The following COL19A1 variants were observed in gnomAD, a reference collection of about 807,000 sequenced individuals.
The protein encoded by COL19A1 is collagen type XIX alpha 1 chain, also known as collagen alpha-1(XIX) chain.
Under a neutral mutation model 190.2 loss-of-function variants are expected in COL19A1, and 159 were observed. The ratio of observed to expected loss-of-function variants is 0.84; its 90% CI spans 0.73 to 0.95. The LOEUF is 0.95. COL19A1 is among the 40% of genes least tolerant of loss of function. COL19A1 has a pLI of 0.00. For missense variants in COL19A1, 1,418 were observed against 1,431.9 expected (o/e 0.99, Z 0.16); for synonymous variants, 509 against 458.9 (o/e 1.11, Z -1.39).
At chr6:69,921,337 T>TAATC (rs1771784602) in intron 4 of COL19A1, among the ~76,000 whole-genome samples, 1 of 109,034 alleles carries the variant, frequency 9.2e-6, no homozygotes, top group African/African-American at 3.8e-5. Context: ...ATCATATATC[T>TAATC]ATATATATCA....
At chr6:69,906,206 G>C (rs1408458009) in intron 4 of COL19A1, among the ~76,000 whole-genome samples, 1 of 152,062 alleles carries the variant, frequency 6.6e-6, no homozygotes, top group Non-Finnish European at 1.5e-5. Flanking sequence ...TCTTAGTATT[G>C]AATATTTTAG....
chr6:70,134,152 G>A (rs1282659523), intron 18 of COL19A1, among the ~76,000 whole-genome samples: 1 of 152,084 alleles, frequency 6.6e-6, no homozygotes, highest in Admixed American at 6.5e-5. Flanking sequence ...CTACCAGATG[G>A]GTAACACGAA....
intron 11 of COL19A1, among the ~76,000 whole-genome samples, chr6:70,002,207 G>A (rs920515723): frequency 6.6e-6 from 1 of 152,170 alleles, no homozygotes; most frequent in African/African-American, 2.4e-5. Flanking sequence ...GCATCCCAGG[G>A]ACGAAGCCAA....
At chr6:69,989,448 C>T (rs975789538) in intron 11 of COL19A1, among the ~76,000 whole-genome samples, 5 of 152,030 alleles carry the variant, frequency 3.3e-5, no homozygotes, top group Admixed American at 3.3e-4. Flanking sequence ...AATAACGTCC[C>T]TCTATTTCTT....
At chr6:69,967,402 G>T (rs1775179302) in intron 11 of COL19A1, among the ~76,000 whole-genome samples, 1 of 152,166 alleles carries the variant, frequency 6.6e-6, no homozygotes, top group Non-Finnish European at 1.5e-5. Context: ...GAGGTGGAGA[G>T]CATCAAACAT....
rs750412193 is a variant in COL19A1, at chr6:70,149,739, G to A, written c.1929G>A (p.Gln643=). 2.5e-6 allele frequency: 4 copies of A among 1,613,422 alleles called. No homozygotes were observed. In the African/African-American group the frequency reaches 4.0e-5, roughly 16 times the overall value. Residue 643 remains glutamine (Q), a splice_region_variant and synonymous_variant, in exon 28 of 51, where the codon CAG becomes CAA. Transcript: ENST00000620364. ...GACCAGCTGGAGAGCCAGGTATTCA[G>A]GTAAGCTATTTAACTAATTTTTTAG... The part of the protein sequence containing the change: ...AQGPAGEPGI[Q]GPRGLPGLPG...
rs534765210 is a variant in COL19A1, at chr6:70,211,571, T to C, written c.*4297T>C. Among the ~76,000 whole-genome samples, 2 of 149,710 alleles carry C rather than the reference T, an allele frequency of 1.3e-5. No homozygotes were observed. Among genetic ancestry groups the C allele is most frequent in the Admixed American group, 1.4e-4 (2 of 14,810 alleles). ...ATTGAATTTGTATCTTGTATGCCTA[T>C]GTAATTCAAAGTGACTTAGTCCATT... On this transcript the variant is annotated 3_prime_UTR_variant, in exon 51 of 51. Coordinates refer to ENST00000620364, the MANE Select transcript of COL19A1 (RefSeq NM_001858.6).
intron 15 of COL19A1, among the ~76,000 whole-genome samples, chr6:70,092,699 T>C (rs1346963640): frequency 6.6e-6 from 1 of 152,214 alleles, no homozygotes; most frequent in East Asian, 1.9e-4. Context: ...CTGCAAAATG[T>C]AGTTCTGTGA....
intron 14 of COL19A1, among the ~76,000 whole-genome samples, chr6:70,046,479 C>G (rs1312409923): frequency 3.9e-5 from 6 of 152,054 alleles, no homozygotes; most frequent in Non-Finnish European, 8.8e-5. Context: ...TCTGATTTTA[C>G]TCCACAACAA....
At chr6:70,073,011 G>A (rs1781653050) in intron 15 of COL19A1, among the ~76,000 whole-genome samples, 2 of 134,650 alleles carry the variant, frequency 1.5e-5, no homozygotes, top group African/African-American at 3.2e-5. Context: ...TATTGAGAGA[G>A]AGTTTTGCTC....
intron 11 of COL19A1, among the ~76,000 whole-genome samples, chr6:70,008,082 T>A (rs968385687): frequency 1.3e-5 from 2 of 151,678 alleles, no homozygotes; most frequent in African/African-American, 2.4e-5. Context: ...TAGAAAGGAA[T>A]AAAAATTGAA....
intron 44 of COL19A1, among the ~76,000 whole-genome samples, chr6:70,184,476 G>C (rs975766932): frequency 6.6e-6 from 1 of 152,144 alleles, no homozygotes; most frequent in Non-Finnish European, 1.5e-5. Flanking sequence ...ATGCTATTGA[G>C]GTTAAGTAAA....
rs923554223 is a variant in COL19A1, at chr6:70,123,527, T to C, written c.1341+1585T>C. Reference sequence around the variant, plus strand: ...TGCACACGTATGTTTATTGTGGCATTATTCACAATAGCAAAGACTTGGAAC... The same window carrying C: ...TGCACACGTATGTTTATTGTGGCATCATTCACAATAGCAAAGACTTGGAAC... On this transcript the variant is annotated intron_variant, in intron 17 of 50. Transcript: ENST00000620364. 2.2e-5 allele frequency among the ~76,000 whole-genome samples: 3 copies of C among 138,626 alleles called. No individual in the cohort carries two copies. The Admixed American group carries it at 2.2e-4, about 10-fold the overall frequency. The allele number at this position is 138,626 out of a possible 152,430, so 90.9% of individuals were successfully genotyped here.
intron 9 of COL19A1, 67 bp downstream of exon 9, chr6:69,938,167 C>A: frequency 2.8e-6 from 4 of 1,425,434 alleles, no homozygotes; most frequent in South Asian, 2.4e-5. Flanking sequence ...AAAATGTGTT[C>A]ATCTCATTTT....
chr6:70,032,849 A>G (rs954390211), intron 12 of COL19A1, among the ~76,000 whole-genome samples: 8 of 152,166 alleles, frequency 5.3e-5, no homozygotes, highest in African/African-American at 1.9e-4. Flanking sequence ...TAATAAATCT[A>G]TTCACAGAAA....
At chr6:69,925,929 T>A (rs1582424388) in intron 4 of COL19A1, among the ~76,000 whole-genome samples, 1 of 152,228 alleles carries the variant, frequency 6.6e-6, no homozygotes, top group Non-Finnish European at 1.5e-5. Flanking sequence ...TTTTTGCACA[T>A]TGATTTTGTA....
intron 47 of COL19A1, among the ~76,000 whole-genome samples, chr6:70,188,799 A>C (rs984411157): frequency 1.3e-5 from 2 of 152,344 alleles, no homozygotes; most frequent in East Asian, 3.9e-4. Context: ...AGGAGTGGTG[A>C]GTGGCTATTC....
intron 11 of COL19A1, among the ~76,000 whole-genome samples, chr6:69,984,059 A>C (rs563454348): frequency 5.9e-5 from 9 of 152,256 alleles, no homozygotes; most frequent in Admixed American, 3.3e-4. Context: ...TTAAGAATTC[A>C]CCAAAAAGCC....
At chr6:70,082,452 C>T (rs1782310043) in intron 15 of COL19A1, among the ~76,000 whole-genome samples, 1 of 152,016 alleles carries the variant, frequency 6.6e-6, no homozygotes, top group African/African-American at 2.4e-5. Context: ...ACTCTGTCTT[C>T]CCCAGGCTGG....
Sources: gnomAD v4.1 joint callset for allele counts (sites outside exome capture counted in the v4.1 genomes callset) on GRCh38, gnomAD v4.1.1 for gene constraint, MANE v1.5 for transcripts, NCBI Gene and HGNC (gene_info 2026-07-23, HGNC 2026-07-21) for gene names.